The following KSR2 variants were observed in gnomAD, a reference collection of about 807,000 sequenced individuals.
The protein encoded by KSR2 is kinase suppressor of ras 2.
A neutral mutation model predicts 107.8 loss-of-function variants in KSR2; 25 were observed. The ratio of observed to expected loss-of-function variants is 0.23; its 90% confidence interval spans 0.17 to 0.32. The LOEUF is 0.32. KSR2 is among the 10% of genes least tolerant of loss of function. The probability of loss-of-function intolerance (pLI) is 1.00; values close to 1 mark genes in which losing one functional copy is unlikely to be tolerated. For synonymous variants in KSR2, 480 were observed against 507.0 expected, an observed-to-expected ratio of 0.95 and a Z score of 0.71; for missense variants, 887 against 1,268.9, an observed-to-expected ratio of 0.70 and a Z score of 4.57.
At chr12:117,869,383 A>T (rs1209180131) in intron 1 of KSR2, among the ~76,000 whole-genome samples, 1 of 152,136 alleles carries the variant, frequency 6.6e-6, no homozygotes, top group African/African-American at 2.4e-5. Context: ...AAAAAAAGAA[A>T]GAAACAAAGT....
chr12:117,605,794 T>C (rs563508994), intron 5 of KSR2, among the ~76,000 whole-genome samples: 2 of 152,110 alleles, frequency 1.3e-5, no homozygotes, highest in African/African-American at 2.4e-5. Flanking sequence ...TATGCAGCCA[T>C]AAAAAGGAAT....
In KSR2 at chr12:117,936,520, A is replaced by AG. The variant is rs751827429; in HGVS notation, c.180+31555_180+31556insC. On this transcript the variant is annotated intron_variant, in intron 1 of 19. Coordinates refer to ENST00000339824, the MANE Select transcript of KSR2 (RefSeq NM_173598.6). ...TTATCATTATTATTATTTTATTATT[A>AG]TTATTATTATTATTAGTAGTAGTAG... 7.8e-3 allele frequency among the ~76,000 whole-genome samples: 306 copies of AG among 39,442 alleles called. 1 individual carries two copies. The highest frequency in any genetic ancestry group is 0.033 in the Middle Eastern group (2 of 60). The allele number at this position is 39,442 out of a possible 152,430, so 25.9% of individuals were successfully genotyped here. A position where few individuals can be genotyped will look rare whatever the true frequency, so the allele number is the denominator to read the frequency against.
intron 5 of KSR2, among the ~76,000 whole-genome samples, chr12:117,633,116 GTGATT>G (rs1882887550): frequency 6.6e-6 from 1 of 152,228 alleles, no homozygotes; most frequent in African/African-American, 2.4e-5. Context: ...ACTGGAAATA[GTGATT>G]TGATTTATCA....
At chr12:117,529,444 G>T (rs1875455391) in intron 12 of KSR2, among the ~76,000 whole-genome samples, 1 of 152,086 alleles carries the variant, frequency 6.6e-6, no homozygotes, top group African/African-American at 2.4e-5. Context: ...TCCAACTCCT[G>T]ACCTCAGGTG....
intron 9 of KSR2, among the ~76,000 whole-genome samples, chr12:117,554,003 G>C (rs749395775): frequency 6.6e-6 from 1 of 152,138 alleles, no homozygotes; most frequent in Non-Finnish European, 1.5e-5. Context: ...GCAGAACTGA[G>C]AGCCAAATAA....
intron 14 of KSR2, among the ~76,000 whole-genome samples, chr12:117,493,337 C>G (rs1404878268): frequency 6.6e-6 from 1 of 152,118 alleles, no homozygotes; most frequent in Non-Finnish European, 1.5e-5. Context: ...ACAATGACTC[C>G]CCAGCACTCT....
intron 4 of KSR2, among the ~76,000 whole-genome samples, chr12:117,755,439 T>C (rs533472782): frequency 1.3e-5 from 2 of 152,338 alleles, no homozygotes; most frequent in East Asian, 3.9e-4. Flanking sequence ...ATATCTGTTA[T>C]GGTTATCTGT....
rs373706846 is a variant in KSR2, at chr12:117,579,245, C to T, written c.1242-43G>A. 1.2e-4 allele frequency: 171 copies of T among 1,373,688 alleles called. 1 individual carries two copies. The highest frequency in any genetic ancestry group is 1.5e-4 in the Non-Finnish European group (146 of 967,032). The allele number at this position is 1,373,688 out of a possible 1,614,324, so 85.1% of individuals were successfully genotyped here. A position where few individuals can be genotyped will look rare whatever the true frequency, so the allele number is the denominator to read the frequency against. ...AAAATGTTCAAGGTTAAGGAAATGGCGACTGACCTATCTCTAGAGGGATGA... is the reference window on the plus strand; with the variant it reads ...AAAATGTTCAAGGTTAAGGAAATGGTGACTGACCTATCTCTAGAGGGATGA... On this transcript the variant is annotated intron_variant, in intron 6 of 19. Coordinates refer to ENST00000339824, the MANE Select transcript of KSR2 (RefSeq NM_173598.6).
chr12:117,505,929 A>C lies in KSR2; in HGVS notation c.2219+18923T>G, dbSNP rs546453717. Among the ~76,000 whole-genome samples the C allele has an allele frequency of 9.9e-5, 15 of 152,170 alleles. No individual in the cohort carries two copies. In the East Asian group the frequency reaches 2.7e-3, roughly 27 times the overall value. On this transcript the variant is annotated intron_variant, in intron 14 of 19. Transcript: ENST00000339824. The stretch of plus-strand genomic sequence containing the variant: ...TCTGAATTCTCTTCATGCCCTTTGC[A>C]CACCTCTGTTTCAACACTTCCTTCC...
intron 1 of KSR2, among the ~76,000 whole-genome samples, chr12:117,957,481 C>T (rs1813795381): frequency 6.6e-6 from 1 of 152,114 alleles, no homozygotes; most frequent in Admixed American, 6.6e-5. Flanking sequence ...CCTCCTCAGC[C>T]TCTCAACACC....
intron 7 of KSR2, among the ~76,000 whole-genome samples, chr12:117,576,291 G>C (rs955531227): frequency 2.0e-5 from 3 of 152,140 alleles, no homozygotes; most frequent in African/African-American, 4.8e-5. Flanking sequence ...GGTGGGACTA[G>C]ATACAGATGA....
Position 117,968,638 on chromosome 12 carries a change from G to A in KSR2, c.-383C>T, listed in dbSNP as rs1254808869. 4.0e-6 allele frequency: 1 copy of A among 247,336 alleles called. No individual in the cohort carries two copies. The highest frequency in any genetic ancestry group is 7.1e-6 in the Non-Finnish European group (1 of 140,708). 15.3% of individuals were successfully genotyped at this position (247,336 alleles called of 1,614,324 possible). ...GGAGGAGAGAGAGGAGGAGGGAGAG[G>A]AGGAGGAGGGAGAGGAGGAGGAGGA... On this transcript the variant is annotated 5_prime_UTR_variant, in exon 1 of 20. Coordinates refer to ENST00000339824, the MANE Select transcript of KSR2 (RefSeq NM_173598.6).
chr12:117,804,078 T>C (rs568820829), intron 3 of KSR2, among the ~76,000 whole-genome samples: 4 of 152,354 alleles, frequency 2.6e-5, no homozygotes, highest in Admixed American at 6.5e-5. Flanking sequence ...GATTTTGCTC[T>C]GTCACCCAGG....
chr12:117,676,095 G>A (rs574031413), intron 4 of KSR2, among the ~76,000 whole-genome samples: 64 of 152,308 alleles, frequency 4.2e-4, no homozygotes, highest in African/African-American at 1.5e-3. Flanking sequence ...CAGAGCTTAC[G>A]AGCTCTCGGC....
chr12:117,845,564 G>C (rs1392867341), intron 3 of KSR2, among the ~76,000 whole-genome samples: 1 of 152,164 alleles, frequency 6.6e-6, no homozygotes, highest in African/African-American at 2.4e-5. Flanking sequence ...CTGTTGCTGT[G>C]ATTAAAGTCT....
chr12:117,707,108 G>A (rs1886558351), intron 4 of KSR2, among the ~76,000 whole-genome samples: 1 of 152,222 alleles, frequency 6.6e-6, no homozygotes, highest in Non-Finnish European at 1.5e-5. Flanking sequence ...ACAACATTAT[G>A]CTGAATGAAA....
intron 1 of KSR2, among the ~76,000 whole-genome samples, chr12:117,887,808 T>A: frequency 6.6e-6 from 1 of 151,542 alleles, no homozygotes; most frequent in Non-Finnish European, 1.5e-5. Flanking sequence ...AAAATAAAAA[T>A]AAAAAAAAAT....
chr12:117,794,007 C>T (rs1593243844), intron 3 of KSR2, among the ~76,000 whole-genome samples: 1 of 101,992 alleles, frequency 9.8e-6, no homozygotes, highest in Non-Finnish European at 1.9e-5. Context: ...TGCACACACA[C>T]CAACATGCAC....
intron 3 of KSR2, among the ~76,000 whole-genome samples, chr12:117,794,531 ACAC>A (rs1297209700): frequency 2.1e-5 from 3 of 142,476 alleles, no homozygotes; most frequent in African/African-American, 8.2e-5. Flanking sequence ...CAACATGCAC[ACAC>A]AACATGCACA....
Sources: gnomAD v4.1 joint callset for allele counts (sites outside exome capture counted in the v4.1 genomes callset) on GRCh38, gnomAD v4.1.1 for gene constraint, MANE v1.5 for transcripts, NCBI Gene and HGNC (gene_info 2026-07-23, HGNC 2026-07-21) for gene names.